Variants in SULT1A3 observed in about 807,000 individuals in gnomAD.
SULT1A3 encodes the protein sulfotransferase family 1A member 3, also known as sulfotransferase 1A3.
For missense variants in SULT1A3, 11 were observed against 62.7 expected, an observed-to-expected ratio of 0.18 and a Z score of 2.78; for synonymous variants, 4 against 29.3, an observed-to-expected ratio of 0.14 and a Z score of 2.79.
intron 4 of SULT1A3, among the ~76,000 whole-genome samples, chr16:30,201,780 G>A (rs2073445640): frequency 1.5e-5 from 2 of 131,210 alleles, no homozygotes; most frequent in South Asian, 2.7e-4. Flanking sequence ...TGCAACCTCC[G>A]CCTCCCCAGT....
intron 4 of SULT1A3, among the ~76,000 whole-genome samples, chr16:30,201,803 C>G (rs1482695635): frequency 7.5e-6 from 1 of 133,188 alleles, no homozygotes; most frequent in Non-Finnish European, 1.7e-5. Context: ...AAGTGATTCT[C>G]CTGCCTCAGC....
rs1453100223 is a variant in SULT1A3 at position 30,200,598 on chromosome 16, C to T, written c.-4-127C>T. 33 of 982,806 alleles carry T rather than the reference C, an allele frequency of 3.4e-5. 1 individual carries two copies. In the East Asian group the frequency reaches 7.8e-4, roughly 23 times the overall value. The allele number at this position is 982,806 out of a possible 1,614,324, so 60.9% of individuals were successfully genotyped here. A position where few individuals can be genotyped will look rare whatever the true frequency, so the allele number is the denominator to read the frequency against. On this transcript the variant is annotated intron_variant, in intron 1 of 7. Coordinates refer to ENST00000338971, the MANE Select transcript of SULT1A3 (RefSeq NM_177552.4). ...TTTGCAGTGAGCTGAGATTGTGCCA[C>T]ACTGCACTCCAGCTTGGGTGAGAGT...
chr16:30,201,765 C>T (rs1389512389), intron 4 of SULT1A3, among the ~76,000 whole-genome samples: 3 of 131,604 alleles, frequency 2.3e-5, no homozygotes, highest in African/African-American at 7.9e-5. Context: ...ATGATCTCAG[C>T]TCACTGCAAC....
chr16:30,204,306 T>G lies in SULT1A3; in HGVS notation c.*386T>G. 1.6e-6 allele frequency: 1 copy of G among 635,146 alleles called. No individual in the cohort carries two copies. Among genetic ancestry groups the G allele is most frequent in the South Asian group, 1.9e-5 (1 of 52,754 alleles). 39.3% of individuals were successfully genotyped at this position (635,146 alleles called of 1,614,324 possible). On this transcript the variant is annotated 3_prime_UTR_variant, in exon 8 of 8. Transcript: ENST00000338971. Reference sequence around the variant, plus strand: ...CAAAGAAAATAAAGCTCAATTAAAATAAAATATGATTTGTGTTCATGTAGA... The same window carrying G: ...CAAAGAAAATAAAGCTCAATTAAAAGAAAATATGATTTGTGTTCATGTAGA...
At chr16:30,201,650 A>G (rs1302417910) in intron 4 of SULT1A3, among the ~76,000 whole-genome samples, 4 of 151,484 alleles carry the variant, frequency 2.6e-5, no homozygotes, top group Non-Finnish European at 4.4e-5. Flanking sequence ...TCAGCCATGT[A>G]CCTGTTCTTC....
chr16:30,201,838 C>T (rs569213725), intron 4 of SULT1A3, among the ~76,000 whole-genome samples: 25 of 130,628 alleles, frequency 1.9e-4, no homozygotes, highest in African/African-American at 5.1e-4. Context: ...GGATTACAGG[C>T]GTGTGCTACC....
At chr16:30,201,502 C>T (rs2073443025) in intron 4 of SULT1A3, among the ~76,000 whole-genome samples, 1 of 150,080 alleles carries the variant, frequency 6.7e-6, no homozygotes. Context: ...ACTGTTTATG[C>T]AAATAGGAAG....
chr16:30,200,623 T>G (rs1341281832), intron 1 of SULT1A3, 102 bp from the exon 2 acceptor site: 6 of 1,441,400 alleles, frequency 4.2e-6, no homozygotes, highest in Admixed American at 5.1e-5. Flanking sequence ...TGGGTGAGAG[T>G]GAGACTCCAT....
chr16:30,203,466 G>A (rs1416069875), intron 6 of SULT1A3, 39 bp from the exon 7 acceptor site: 11 of 7,592 alleles, frequency 1.4e-3, no homozygotes, highest in East Asian at 3.2e-3. Flanking sequence ...AGGGGGACCC[G>A]TTTTGTTTTG....
At chr16:30,201,627 C>T (rs1430448863) in intron 4 of SULT1A3, among the ~76,000 whole-genome samples, 14 of 152,002 alleles carry the variant, frequency 9.2e-5, no homozygotes, top group African/African-American at 3.1e-4. Flanking sequence ...GGAAGGGGGG[C>T]TCAGGTGCCC....
intron 4 of SULT1A3, among the ~76,000 whole-genome samples, chr16:30,201,622 G>C (rs1200710745): frequency 6.6e-6 from 1 of 152,030 alleles, no homozygotes; most frequent in Non-Finnish European, 1.5e-5. Flanking sequence ...AGCCAGGAAG[G>C]GGGGCTCAGG....
At chr16:30,201,570 C>A (rs1205492901) in intron 4 of SULT1A3, among the ~76,000 whole-genome samples, 1 of 152,070 alleles carries the variant, frequency 6.6e-6, no homozygotes, top group East Asian at 1.9e-4. Context: ...CACAGCAAAA[C>A]CATCTCTACG....
chr16:30,201,518 A>G (rs76811858), intron 4 of SULT1A3, among the ~76,000 whole-genome samples: 710 of 149,696 alleles, frequency 4.7e-3, no homozygotes, highest in Non-Finnish European at 8.6e-3. Flanking sequence ...GGAAGCTGCA[A>G]TGAGCCCTGA....
At chr16:30,201,995 C>CT (rs1204376251) in intron 4 of SULT1A3, 1,185 of 58,266 alleles carry the variant, frequency 0.02, no homozygotes, top group South Asian at 0.073. Context: ...GCGCCTGGCC[C>CT]TTTTTTTTTT....
chr16:30,204,280 C>T lies in SULT1A3; in HGVS notation c.*360C>T. The T allele has an allele frequency of 3.2e-6, 2 of 620,948 alleles. No homozygotes were observed. The highest frequency in any genetic ancestry group is 5.7e-6 in the Non-Finnish European group (2 of 353,074). 38.5% of individuals were successfully genotyped at this position (620,948 alleles called of 1,614,324 possible). ...CTGGATGACAAGCAAGACCCTCCCT[C>T]CAAAGAAAATAAAGCTCAATTAAAA... is the stretch of plus-strand genomic sequence containing the variant. On this transcript the variant is annotated 3_prime_UTR_variant, in exon 8 of 8. Transcript: ENST00000338971.
chr16:30,204,153 C>G lies in SULT1A3; in HGVS notation c.*233C>G, dbSNP rs1298859831. 3.6e-5 allele frequency: 5 copies of G among 138,896 alleles called. No homozygotes were observed. Among genetic ancestry groups the G allele is most frequent in the Non-Finnish European group, 6.4e-5 (4 of 62,550 alleles). 8.6% of individuals were successfully genotyped at this position (138,896 alleles called of 1,614,324 possible). A position where few individuals can be genotyped will look rare whatever the true frequency, so the allele number is the denominator to read the frequency against. ...AAAAAATTAGCCACATGTGCTGGCA[C>G]TTACCTGTAGTCCCAGCTACTTGGG... On this transcript the variant is annotated 3_prime_UTR_variant, in exon 8 of 8. Coordinates refer to ENST00000338971, the MANE Select transcript of SULT1A3 (RefSeq NM_177552.4).
At chr16:30,201,580 G>A (rs561391603) in intron 4 of SULT1A3, among the ~76,000 whole-genome samples, 79 of 151,918 alleles carry the variant, frequency 5.2e-4, no homozygotes, top group African/African-American at 1.7e-3. Context: ...CCATCTCTAC[G>A]AAAAAAAAAG....
chr16:30,201,576 C>T (rs1252193220), intron 4 of SULT1A3, among the ~76,000 whole-genome samples: 2 of 152,180 alleles, frequency 1.3e-5, no homozygotes, highest in South Asian at 4.2e-4. Flanking sequence ...AAAACCATCT[C>T]TACGAAAAAA....
In SULT1A3 at chr16:30,203,920, A is replaced by G. The variant is rs2073451550; in HGVS notation, c.888A>G (p.Ter296TrpextTer16). 3.5e-6 allele frequency: 1 copy of G among 282,762 alleles called. No homozygotes were observed. Among genetic ancestry groups the G allele is most frequent in the Non-Finnish European group, 6.5e-6 (1 of 153,342 alleles). The allele number at this position is 282,762 out of a possible 1,614,324, so 17.5% of individuals were successfully genotyped here. A position where few individuals can be genotyped will look rare whatever the true frequency, so the allele number is the denominator to read the frequency against. Reference sequence around the variant, plus strand: ...GCCTCAGCTTCCGCTCTGAGCTGTGAGAGGGGCTCCTGGAGTCACTGCAGA... The same window carrying G: ...GCCTCAGCTTCCGCTCTGAGCTGTGGGAGGGGCTCCTGGAGTCACTGCAGA... ...GCSLSFRSEL* is the reference protein window; with the variant it reads ...GCSLSFRSELW Residue 296 changes from the stop codon to tryptophan, a stop_lost, in exon 8 of 8, where the codon TGA (stop) becomes TGG (tryptophan). Coordinates refer to ENST00000338971, the MANE Select transcript of SULT1A3 (RefSeq NM_177552.4).
Sources: allele counts gnomAD v4.1 joint callset (sites outside exome capture counted in the v4.1 genomes callset), GRCh38; gene constraint gnomAD v4.1.1; transcripts MANE v1.5; gene names NCBI Gene and HGNC (gene_info 2026-07-23, HGNC 2026-07-21).